Variants in FLT3LG observed in about 807,000 individuals in gnomAD.
The protein encoded by FLT3LG is fms related receptor tyrosine kinase 3 ligand.
FLT3LG carries 8 observed loss-of-function variants against 30.9 expected under a neutral mutation model. That is an observed-to-expected ratio of 0.26 (90% CI 0.15 to 0.47). The LOEUF is 0.47. Among genes scored for constraint, FLT3LG ranks in the 20% least tolerant of loss-of-function variants. FLT3LG has a pLI of 0.99. For synonymous variants in FLT3LG, 123 were observed against 135.9 expected (o/e 0.91, Z 0.66); for missense variants, 278 against 306.2 (o/e 0.91, Z 0.69).
In FLT3LG at chr19:49,480,304, C is replaced by T. The variant is rs780365595; in HGVS notation, c.488C>T (p.Ser163Leu). The T allele has an allele frequency of 2.5e-6, 4 of 1,596,852 alleles. No homozygotes were observed. The Admixed American group carries it at 6.8e-5, about 27-fold the overall frequency. The change falls in exon 7 of 9, where the codon TCA becomes TTA. Residue 163 changes from serine to leucine, a missense_variant. Around this residue, in one of 3 missense-constraint regions of FLT3LG, gnomAD observed 170 missense variants for 162.0 expected, o/e 1.05. Coordinates refer to ENST00000597551, the MANE Select transcript of FLT3LG (RefSeq NM_001459.4). Reference sequence around the variant, plus strand: ...GCCTCCTCTTTCTCCCCAGACTCCTCAACCCTGCCACCCCCATGGAGTCCC... The same window carrying T: ...GCCTCCTCTTTCTCCCCAGACTCCTTAACCCTGCCACCCCCATGGAGTCCC... The part of the protein sequence containing the change: ...CLELQCQPDS[S>L]TLPPPWSPRP...
At chr19:49,479,591 T>A (rs1283785185) in intron 6 of FLT3LG, 4 of 156,784 alleles carry the variant, frequency 2.6e-5, no homozygotes, top group African/African-American at 1.1e-4. Flanking sequence ...AAGCTCTGCC[T>A]CCTGGGTTCA....
At chr19:49,482,320 T>C (rs1198573957) in intron 8 of FLT3LG, 1 of 151,382 alleles carries the variant, frequency 6.6e-6, no homozygotes, top group African/African-American at 2.4e-5. Flanking sequence ...GAGACGGGGT[T>C]TCACCATGTT....
At chr19:49,477,324 G>C (rs1373755954) in intron 5 of FLT3LG, among the ~76,000 whole-genome samples, 1 of 151,758 alleles carries the variant, frequency 6.6e-6, no homozygotes, top group African/African-American at 2.4e-5. Flanking sequence ...CCCACCTGTG[G>C]TCCCAGCTAC....
chr19:49,478,646 AC>A (rs1458733873), intron 5 of FLT3LG, among the ~76,000 whole-genome samples: 2 of 151,800 alleles, frequency 1.3e-5, no homozygotes. Flanking sequence ...GGTGGTGGGC[AC>A]CTATAGTCCC....
Position 49,480,588 on chromosome 19 carries a change from G to C in FLT3LG, c.697G>C (p.Val233Leu). 2 of 1,613,128 alleles carry C rather than the reference G, an allele frequency of 1.2e-6. No individual in the cohort carries two copies. The highest frequency in any genetic ancestry group is 1.7e-6 in the Non-Finnish European group (2 of 1,179,672). Residue 233 changes from valine (V) to leucine (L), a missense_variant, in exon 8 of 9, where the codon GTG (valine) becomes CTG (leucine). By Grantham distance (32) the Val-to-Leu change is conservative (BLOSUM62 1). Transcript: ENST00000597551. ...PVPSPQDLLL[V>L]EH ...CCCCAGTCCCCAGGACCTGCTGCTT[G>C]TGGAGCACTGACCTGGCCAAGGCCT...
At position 49,475,807 on chromosome 19, in the gene FLT3LG, C is replaced by T. The variant is rs541665751; in HGVS notation, c.144+6C>T. The T allele has an allele frequency of 6.2e-5, 100 of 1,611,348 alleles. 1 individual carries two copies. The South Asian group carries it at 9.4e-4, about 15-fold the overall frequency. Reference sequence around the variant, plus strand: ...CTGTCAAAATCCGTGAGCTGGTGAGCGGCGCTGCCCCGGACCCCCTCATGT... The same window carrying T: ...CTGTCAAAATCCGTGAGCTGGTGAGTGGCGCTGCCCCGGACCCCCTCATGT... On this transcript the variant is annotated splice_donor_region_variant and intron_variant, in intron 3 of 8. Coordinates refer to ENST00000597551, the MANE Select transcript of FLT3LG (RefSeq NM_001459.4).
rs2079309873 is a variant in FLT3LG at position 49,474,660 on chromosome 19, C to T, written c.21C>T (p.Ala7=). 2.5e-6 allele frequency: 4 copies of T among 1,612,522 alleles called. No homozygotes were observed. The East Asian group carries it at 8.9e-5, about 36-fold the overall frequency. ...CCGAAATGACAGTGCTGGCGCCAGC[C>T]TGGAGCCCAACAGTGCGTAAACCCC... The part of the protein sequence containing the change: MTVLAP[A]WSPTTYLLLL... Residue 7 remains alanine (A), a synonymous_variant, in exon 2 of 9, where the codon GCC becomes GCT. Transcript: ENST00000597551.
Position 49,480,335 on chromosome 19 carries a change from C to G in FLT3LG, c.519C>G (p.Pro173=). 2 of 1,609,584 alleles carry G rather than the reference C, an allele frequency of 1.2e-6. No individual in the cohort carries two copies. The highest frequency in any genetic ancestry group is 1.7e-6 in the Non-Finnish European group (2 of 1,177,928). ...STLPPPWSPR[P]LEATAPTAPQ... is the part of the protein sequence containing the mutation. ...TGCCACCCCCATGGAGTCCCCGGCCCCTGGAGGCCACAGCCCCGACAGCCC... is the reference window on the plus strand; with the variant it reads ...TGCCACCCCCATGGAGTCCCCGGCCGCTGGAGGCCACAGCCCCGACAGCCC... Residue 173 remains proline, a synonymous_variant, in exon 7 of 9, where the codon CCC becomes CCG. Transcript: ENST00000597551.
chr19:49,478,965 G>A lies in FLT3LG; in HGVS notation c.399G>A (p.Glu133=). The part of the protein sequence containing the change: ...VQTNISRLLQ[E]TSEQLVALKP... The stretch of plus-strand genomic sequence containing the variant: ...CCAACATCTCCCGCCTCCTGCAGGA[G>A]ACCTCCGAGCAGCTGGTGGCGCTGA... The change falls in exon 6 of 9, where the codon GAG becomes GAA. Residue 133 remains glutamate (E), a synonymous_variant. Transcript: ENST00000597551. 6.3e-7 allele frequency: 1 copy of A among 1,587,722 alleles called. No homozygotes were observed.
intron 8 of FLT3LG, among the ~76,000 whole-genome samples, chr19:49,483,116 GTTTA>G (rs1045484079): frequency 2.6e-5 from 4 of 151,886 alleles, no homozygotes; most frequent in African/African-American, 7.3e-5. Context: ...CCAACGTATA[GTTTA>G]TTTATTTATT....
intron 8 of FLT3LG, among the ~76,000 whole-genome samples, chr19:49,483,279 A>G (rs1985778018): frequency 6.6e-6 from 1 of 151,294 alleles, no homozygotes; most frequent in Non-Finnish European, 1.5e-5. Flanking sequence ...CACCACACCC[A>G]GCTAATTTTT....
intron 5 of FLT3LG, 84 bp from the exon 6 acceptor site, chr19:49,478,825 A>G (rs2079489792): frequency 6.1e-6 from 8 of 1,303,502 alleles, no homozygotes; most frequent in Middle Eastern, 2.9e-4. Flanking sequence ...GTTGCTGGGC[A>G]TCGCCAGCAG....
rs568265175 is a variant in FLT3LG at position 49,476,339 on chromosome 19, G to A, written c.199-84G>A. 1.5e-5 allele frequency: 23 copies of A among 1,511,188 alleles called. No individual in the cohort carries two copies. Among genetic ancestry groups the A allele is most frequent in the African/African-American group, 2.8e-5 (2 of 72,460 alleles). 93.6% of individuals were successfully genotyped at this position (1,511,188 alleles called of 1,614,324 possible). Reference sequence around the variant, plus strand: ...TCAGCCCCTCCTCCCTCAGACCCAGGAGCCCCGGCCCAGCCCCTCCTCCCT... The same window carrying A: ...TCAGCCCCTCCTCCCTCAGACCCAGAAGCCCCGGCCCAGCCCCTCCTCCCT... On this transcript the variant is annotated intron_variant, in intron 4 of 8. Coordinates refer to ENST00000597551, the MANE Select transcript of FLT3LG (RefSeq NM_001459.4). This position sits in a 1 kb window ranked among gnomAD's most constrained non-coding sequence, Gnocchi z 5.3.
intron 6 of FLT3LG, 115 bp downstream of exon 6, chr19:49,479,162 G>A (rs1236328390): frequency 1.0e-6 from 1 of 959,686 alleles, no homozygotes; most frequent in Non-Finnish European, 1.4e-6. Flanking sequence ...ACAAGGGCAA[G>A]CTTATTCCTC....
In FLT3LG at chr19:49,476,043, G is replaced by C. The variant is rs1601075822; in HGVS notation, c.145-102G>C. 2 of 1,344,740 alleles carry C rather than the reference G, an allele frequency of 1.5e-6. No homozygotes were observed. Among genetic ancestry groups the C allele is most frequent in the Non-Finnish European group, 2.1e-6 (2 of 938,754 alleles). 83.3% of individuals were successfully genotyped at this position (1,344,740 alleles called of 1,614,324 possible). On this transcript the variant is annotated intron_variant, in intron 3 of 8. Transcript: ENST00000597551. The surrounding 1 kb of genome is among the most constrained non-coding windows in gnomAD (Gnocchi z 5.3). ...GCTTCTTCTGGGCTCCCCCTCTCTT[G>C]GTCTTGTCCCTCTCTCTCTGGATCT...
chr19:49,474,531 G>A (rs1338830105), intron 1 of FLT3LG, 72 bp from the exon 2 acceptor site: 10 of 1,108,058 alleles, frequency 9.0e-6, no homozygotes, highest in Non-Finnish European at 1.3e-5. Context: ...GGAGGGGCGG[G>A]GAGGCAAAGG....
intron 6 of FLT3LG, among the ~76,000 whole-genome samples, chr19:49,479,266 C>T (rs1018563539): frequency 1.3e-5 from 2 of 148,440 alleles, no homozygotes; most frequent in African/African-American, 5.1e-5. Flanking sequence ...GTGATCTTGG[C>T]TCACTGCAAG....
At chr19:49,480,740 A>C in intron 8 of FLT3LG, 120 bp downstream of exon 8, 1 of 1,102,102 alleles carries the variant, frequency 9.1e-7, no homozygotes, top group Non-Finnish European at 1.3e-6. Context: ...GTGCAGAAAG[A>C]CCCCTCTGGG....
In FLT3LG at chr19:49,476,394, C is replaced by G. The variant is rs756011817; in HGVS notation, c.199-29C>G. On this transcript the variant is annotated intron_variant, in intron 4 of 8. Coordinates refer to ENST00000597551, the MANE Select transcript of FLT3LG (RefSeq NM_001459.4). The surrounding 1 kb of genome is among the most constrained non-coding windows in gnomAD (Gnocchi z 5.3). ...CCCAGCAGCCCCGTGCCCAGCTCCT[C>G]CCTCAGACCCGTGGGTTCTCCCCTC... The G allele has an allele frequency of 1.9e-6, 3 of 1,599,422 alleles. No individual in the cohort carries two copies. The highest frequency in any genetic ancestry group is 2.6e-6 in the Non-Finnish European group (3 of 1,172,638).
Sources: allele counts gnomAD v4.1 joint callset (sites outside exome capture counted in the v4.1 genomes callset), GRCh38; gene constraint gnomAD v4.1.1; regional missense constraint gnomAD v4.1.1; non-coding constraint Gnocchi (gnomAD v3.1); transcripts MANE v1.5; gene names NCBI Gene and HGNC (gene_info 2026-07-23, HGNC 2026-07-21).